CUX2: variants seen among roughly 807,000 people sequenced by gnomAD.
CUX2 encodes homeobox protein cut-like 2.
CUX2 carries 40 observed loss-of-function variants against 144.8 expected under a neutral mutation model. That is an observed-to-expected ratio of 0.28 (90% CI 0.21 to 0.36). CUX2 has a LOEUF of 0.36. CUX2 is among the 10% of genes least tolerant of loss of function. The probability of loss-of-function intolerance (pLI) is 1.00; values close to 1 mark genes in which losing one functional copy is unlikely to be tolerated. For missense variants in CUX2, 1,615 were observed against 1,994.0 expected (o/e 0.81, Z 3.62); for synonymous variants, 827 against 875.6 (o/e 0.94, Z 0.98).
chr12:111,182,174 G>A (rs765176538), intron 1 of CUX2, among the ~76,000 whole-genome samples: 1 of 152,150 alleles, frequency 6.6e-6, no homozygotes, highest in South Asian at 2.1e-4. Flanking sequence ...TCTGTGTTCC[G>A]TTCCCTTCCA....
chr12:111,219,877 C>T (rs890179192), intron 3 of CUX2, among the ~76,000 whole-genome samples: 12 of 152,150 alleles, frequency 7.9e-5, no homozygotes, highest in African/African-American at 2.4e-4. Context: ...CCGGCAGTGG[C>T]TCACCCCTGT....
In CUX2 at chr12:111,111,993, C is replaced by G. The variant is rs886092700; in HGVS notation, c.63+77753C>G. Among the ~76,000 whole-genome samples, 8 of 152,286 alleles carry G rather than the reference C, an allele frequency of 5.3e-5. No homozygotes were observed. The South Asian group carries it at 6.2e-4, about 12-fold the overall frequency. ...GGAAGTCCCTGTGGGGTCTGTACCTCCCAAAGGTGATTTGGAGAAAAATCT... is the reference window on the plus strand; with the variant it reads ...GGAAGTCCCTGTGGGGTCTGTACCTGCCAAAGGTGATTTGGAGAAAAATCT... On this transcript the variant is annotated intron_variant, in intron 1 of 21. Transcript: ENST00000261726.
At chr12:111,200,807 C>G (rs924467653) in intron 1 of CUX2, among the ~76,000 whole-genome samples, 1 of 152,174 alleles carries the variant, frequency 6.6e-6, no homozygotes, top group Non-Finnish European at 1.5e-5. Context: ...CTTATCACCC[C>G]TACGAAAATT....
chr12:111,334,428 C>T lies in CUX2; in HGVS notation c.2927-13C>T. 6.4e-7 allele frequency: 1 copy of T among 1,564,762 alleles called. No homozygotes were observed. Among genetic ancestry groups the T allele is most frequent in the Non-Finnish European group, 8.6e-7 (1 of 1,157,140 alleles). On this transcript the variant is annotated splice_polypyrimidine_tract_variant and intron_variant, in intron 18 of 21. Coordinates refer to ENST00000261726, the MANE Select transcript of CUX2 (RefSeq NM_015267.4). Reference sequence around the variant, plus strand: ...ATTATAGTAACCACCTTCTCTTTCTCTGTGGCCCACAGCCAGTCCCACAGA... The same window carrying T: ...ATTATAGTAACCACCTTCTCTTTCTTTGTGGCCCACAGCCAGTCCCACAGA...
chr12:111,049,938 C>T (rs1870181900), intron 1 of CUX2, among the ~76,000 whole-genome samples: 1 of 152,202 alleles, frequency 6.6e-6, no homozygotes, highest in Admixed American at 6.5e-5. Context: ...CTAACCTCTG[C>T]ATGGTGCTTG....
intron 8 of CUX2, 83 bp downstream of exon 8, chr12:111,296,622 C>A: frequency 7.6e-7 from 1 of 1,314,296 alleles, no homozygotes; most frequent in Non-Finnish European, 1.1e-6. Context: ...CAGTACTTGC[C>A]TCCTCCCTCT....
intron 3 of CUX2, among the ~76,000 whole-genome samples, chr12:111,227,984 T>C (rs1882248904): frequency 6.6e-6 from 1 of 152,142 alleles, no homozygotes; most frequent in Admixed American, 6.5e-5. Flanking sequence ...CCAGCGGCAA[T>C]CACGTTACGG....
At chr12:111,124,365 A>C (rs1427122756) in intron 1 of CUX2, among the ~76,000 whole-genome samples, 1 of 152,242 alleles carries the variant, frequency 6.6e-6, no homozygotes, top group Non-Finnish European at 1.5e-5. Context: ...TTGAACAAAA[A>C]GATATGATGA....
In CUX2 at chr12:111,061,812, G is replaced by C. The variant is rs1222956267; in HGVS notation, c.63+27572G>C. 6.6e-6 allele frequency among the ~76,000 whole-genome samples: 1 copy of C among 152,132 alleles called. No individual in the cohort carries two copies. The highest frequency in any genetic ancestry group is 2.4e-5 in the African/African-American group (1 of 41,406). Reference sequence around the variant, plus strand: ...GGAAACACTGTGCTTCCAGTTTTATGTACTTGGCCTTGTTCTCAGCAGGCA... The same window carrying C: ...GGAAACACTGTGCTTCCAGTTTTATCTACTTGGCCTTGTTCTCAGCAGGCA... On this transcript the variant is annotated intron_variant, in intron 1 of 21. Coordinates refer to ENST00000261726, the MANE Select transcript of CUX2 (RefSeq NM_015267.4). The surrounding 1 kb of genome is among the most constrained non-coding windows in gnomAD (Gnocchi z 4.2).
intron 20 of CUX2, among the ~76,000 whole-genome samples, chr12:111,340,839 T>C (rs112955501): frequency 0.018 from 2,667 of 152,334 alleles, 83 homozygotes; most frequent in East Asian, 0.12. Context: ...TACTTCCTCC[T>C]TCCTTTGTTC....
chr12:111,307,091 G>C lies in CUX2; in HGVS notation c.1029G>C (p.Thr343=). Residue 343 remains threonine, a synonymous_variant, in exon 11 of 22, where the codon ACG becomes ACC. Transcript: ENST00000261726. The surrounding 1 kb of genome is among the most constrained non-coding windows in gnomAD (Gnocchi z 4.1). The stretch of plus-strand genomic sequence containing the variant: ...TCGCCGACCTGGAGCGGCAGCTCAC[G>C]GCCAAGTCCGAGGCCATAGAAGTGG... ...NQIADLERQL[T]AKSEAIEKLE... 1.9e-6 allele frequency: 3 copies of C among 1,612,796 alleles called. No individual in the cohort carries two copies. The highest frequency in any genetic ancestry group is 2.5e-6 in the Non-Finnish European group (3 of 1,179,068).
At chr12:111,041,592 C>T (rs1231848990) in intron 1 of CUX2, among the ~76,000 whole-genome samples, 1 of 152,194 alleles carries the variant, frequency 6.6e-6, no homozygotes, top group African/African-American at 2.4e-5. Context: ...GCATTTAAAA[C>T]ACAAGAGATT....
At chr12:111,205,840 T>G (rs1001762759) in intron 1 of CUX2, among the ~76,000 whole-genome samples, 1 of 152,200 alleles carries the variant, frequency 6.6e-6, no homozygotes, top group South Asian at 2.1e-4. Flanking sequence ...CCGGGCTCTT[T>G]AGGGGTCTCT....
chr12:111,172,045 A>T (rs1878564671), intron 1 of CUX2, among the ~76,000 whole-genome samples: 1 of 150,206 alleles, frequency 6.7e-6, no homozygotes, highest in South Asian at 2.1e-4. Context: ...GTGCCTGCGT[A>T]TACATGTGCA....
chr12:111,265,663 A>G (rs1455429105), intron 4 of CUX2, among the ~76,000 whole-genome samples: 1 of 152,078 alleles, frequency 6.6e-6, no homozygotes, highest in Non-Finnish European at 1.5e-5. Context: ...CTTGTTTTAA[A>G]TGGCCCATCC....
At chr12:111,172,469 C>T (rs575178179) in intron 1 of CUX2, among the ~76,000 whole-genome samples, 15 of 152,290 alleles carry the variant, frequency 9.8e-5, no homozygotes, top group African/African-American at 2.2e-4. Flanking sequence ...GATGCAGTAA[C>T]GAACAAATTA....
chr12:111,143,734 C>T (rs561950767), intron 1 of CUX2, among the ~76,000 whole-genome samples: 3 of 152,234 alleles, frequency 2.0e-5, no homozygotes, highest in African/African-American at 4.8e-5. Context: ...CATCAATGTG[C>T]GTCCCTGTGC....
At chr12:111,244,522 T>C (rs759931436) in intron 3 of CUX2, among the ~76,000 whole-genome samples, 4 of 152,254 alleles carry the variant, frequency 2.6e-5, no homozygotes, top group Non-Finnish European at 4.4e-5. Context: ...AGCTGAGATT[T>C]TGCTGATCAC....
At chr12:111,175,566 G>A (rs1275179281) in intron 1 of CUX2, among the ~76,000 whole-genome samples, 2 of 151,998 alleles carry the variant, frequency 1.3e-5, no homozygotes, top group African/African-American at 2.4e-5. Context: ...CCATCTCTTT[G>A]TGGCAGGCTT....
Sources: allele counts gnomAD v4.1 joint callset (sites outside exome capture counted in the v4.1 genomes callset), GRCh38; gene constraint gnomAD v4.1.1; non-coding constraint Gnocchi (gnomAD v3.1); transcripts MANE v1.5; gene names NCBI Gene and HGNC (gene_info 2026-07-23, HGNC 2026-07-21).